Variants in PLSCR2 observed in about 807,000 individuals in gnomAD.
PLSCR2 encodes the protein PL scramblase 2.
PLSCR2 carries 18 observed loss-of-function variants against 25.3 expected under a neutral mutation model. That is an observed-to-expected ratio of 0.71 (90% CI 0.49 to 1.06). PLSCR2 has a LOEUF of 1.06. Among genes scored for constraint, PLSCR2 ranks in the 50% least tolerant of loss-of-function variants. The probability of loss-of-function intolerance (pLI) is 0.00; values close to 1 mark genes in which losing one functional copy is unlikely to be tolerated. For missense variants in PLSCR2, 243 were observed against 269.5 expected (o/e 0.90, Z 0.69); for synonymous variants, 88 against 87.3 (o/e 1.01, Z -0.04).
chr3:146,440,345 T>G (rs575187861), downstream of PLSCR2, among the ~76,000 whole-genome samples: 86 of 152,342 alleles, frequency 5.6e-4, no homozygotes, highest in Admixed American at 2.0e-3. Flanking sequence ...TCTGCTGCCT[T>G]TTCTTCAGCT....
At chr3:146,491,849 T>C (rs990211719) in intron 1 of PLSCR2, among the ~76,000 whole-genome samples, 39 of 152,294 alleles carry the variant, frequency 2.6e-4, no homozygotes, top group African/African-American at 8.9e-4. Context: ...CTTCAGCCAT[T>C]TCAGTGTGAC....
chr3:146,430,472 A>G (rs1159837792), downstream of PLSCR2, among the ~76,000 whole-genome samples: 1 of 152,190 alleles, frequency 6.6e-6, no homozygotes, highest in African/African-American at 2.4e-5. Flanking sequence ...CTGGCACTTC[A>G]CAGCATCAGT....
chr3:146,426,793 C>T (rs1029995456), intron 2 of PLSCR2, among the ~76,000 whole-genome samples: 23 of 152,060 alleles, frequency 1.5e-4, no homozygotes, highest in African/African-American at 5.6e-4. Flanking sequence ...TGATATGAAA[C>T]ACTAGAAAAT....
At chr3:146,434,110 A>G (rs1225685494) in intron 8 of PLSCR2, among the ~76,000 whole-genome samples, 3 of 152,136 alleles carry the variant, frequency 2.0e-5, no homozygotes, top group Admixed American at 2.0e-4. Flanking sequence ...ACAAAATATT[A>G]TATGTCTTCC....
intron 2 of PLSCR2, among the ~76,000 whole-genome samples, chr3:146,404,837 T>C (rs1303650362): frequency 7.0e-6 from 1 of 143,298 alleles, no homozygotes; most frequent in East Asian, 2.1e-4. Flanking sequence ...GGGGTGGTGG[T>C]TAACTGGTCC....
chr3:146,411,705 C>T (rs537436291), intron 2 of PLSCR2, among the ~76,000 whole-genome samples: 10 of 152,306 alleles, frequency 6.6e-5, no homozygotes, highest in African/African-American at 2.4e-4. Flanking sequence ...AAAATTCTCT[C>T]GGCCCCGAAG....
At chr3:146,396,755 G>A (rs146404464) in intron 2 of PLSCR2, among the ~76,000 whole-genome samples, 121 of 152,242 alleles carry the variant, frequency 7.9e-4, no homozygotes, top group African/African-American at 2.8e-3. Context: ...TAGCAGGGCT[G>A]CTCATAACAC....
chr3:146,443,496 A>G (rs76422856), intron 6 of PLSCR2, among the ~76,000 whole-genome samples: 1,858 of 152,022 alleles, frequency 0.012, 35 homozygotes, highest in African/African-American at 0.043. Flanking sequence ...GGTAGACAAT[A>G]TGTGTCTAGA....
At chr3:146,455,321 G>T in exon 4 of PLSCR2, 2 of 1,613,966 alleles carry the variant, frequency 1.2e-6, no homozygotes, top group Non-Finnish European at 1.7e-6. Context: ...CACATTATCA[G>T]TAATCCTCAA....
chr3:146,449,134 T>G (rs1194430174), intron 6 of PLSCR2, 72 bp downstream of exon 6: 50 of 1,081,542 alleles, frequency 4.6e-5, no homozygotes, highest in Non-Finnish European at 6.5e-5. Flanking sequence ...TTAAAATGTA[T>G]AATTTATTGA....
upstream of PLSCR2, among the ~76,000 whole-genome samples, chr3:146,462,332 T>A (rs534596005): frequency 6.6e-6 from 1 of 152,220 alleles, no homozygotes; most frequent in Admixed American, 6.5e-5. Flanking sequence ...ACTCAAGCGA[T>A]CCTCCTGTCT....
At chr3:146,455,092 C>T (rs949777887) in intron 4 of PLSCR2, 147 bp downstream of exon 4, 1 of 617,092 alleles carries the variant, frequency 1.6e-6, no homozygotes, top group Non-Finnish European at 2.9e-6. Context: ...TACTTGCCTT[C>T]CTTCTTATAC....
chr3:146,454,177 A>G lies in PLSCR2; in HGVS notation c.322-14T>C. The G allele has an allele frequency of 6.5e-7, 1 of 1,543,014 alleles. No homozygotes were observed. Among genetic ancestry groups the G allele is most frequent in the South Asian group, 1.2e-5 (1 of 81,802 alleles). ...TTGGATTTCTATCTACAAAAGTAAA[A>G]TATGTGTGAACGTAATAAATCATCA... On this transcript the variant is annotated splice_polypyrimidine_tract_variant and intron_variant, in intron 4 of 6. Coordinates refer to ENST00000610787, the Ensembl canonical transcript of PLSCR2.
chr3:146,494,537 A>C (rs1405155464), intron 1 of PLSCR2: 1 of 152,198 alleles, frequency 6.6e-6, no homozygotes, highest in Non-Finnish European at 1.5e-5. Context: ...TAATTATGCC[A>C]GACAAACTGG....
In PLSCR2 at chr3:146,416,453, C is replaced by G. The variant is rs138147481; in HGVS notation, c.101-20532G>C. 9.1e-4 allele frequency: 139 copies of G among 152,254 alleles called. 1 individual carries two copies. The highest frequency in any genetic ancestry group is 3.2e-3 in the African/African-American group (135 of 41,556). The allele number at this position is 152,254 out of a possible 1,614,324, so 9.4% of individuals were successfully genotyped here. ...ATAACAAGTTATATTCTGGAACGAT[C>G]TAAATTCATGTTGTTATGGATCAAG... On this transcript the variant is annotated intron_variant and NMD_transcript_variant, in intron 2 of 3. Coordinates refer to the PLSCR2 transcript ENST00000463633.
In PLSCR2 at chr3:146,469,067, T is replaced by A. The variant is rs1458170119; in HGVS notation, c.-292-8783A>T. 2.1e-5 allele frequency: 20 copies of A among 937,706 alleles called. 1 individual carries two copies. In the South Asian group the frequency reaches 7.9e-4, roughly 37 times the overall value. 58.1% of individuals were successfully genotyped at this position (937,706 alleles called of 1,614,324 possible). A position where few individuals can be genotyped will look rare whatever the true frequency, so the allele number is the denominator to read the frequency against. On this transcript the variant is annotated intron_variant, in intron 1 of 8. Coordinates refer to the PLSCR2 transcript ENST00000336685. ...AGCTGGTATTGTAGAGGGCCTAGCATAGACGTGGGCTCCTGGCGGACTTCA... is the reference window on the plus strand; with the variant it reads ...AGCTGGTATTGTAGAGGGCCTAGCAAAGACGTGGGCTCCTGGCGGACTTCA...
At chr3:146,433,189 A>G (rs563389082), downstream of PLSCR2, 1 of 152,274 alleles carries the variant, frequency 6.6e-6, no homozygotes, top group South Asian at 2.1e-4. Flanking sequence ...TTTCAATTTT[A>G]TTAAAATTTG....
At chr3:146,417,654 A>G (rs987114483) in intron 2 of PLSCR2, among the ~76,000 whole-genome samples, 2 of 152,202 alleles carry the variant, frequency 1.3e-5, no homozygotes, top group Non-Finnish European at 2.9e-5. Flanking sequence ...CCATTTTACA[A>G]GTTCTAATGT....
intron 5 of PLSCR2, among the ~76,000 whole-genome samples, chr3:146,450,460 C>T (rs2040828197): frequency 6.6e-6 from 1 of 152,190 alleles, no homozygotes; most frequent in Non-Finnish European, 1.5e-5. Context: ...TTTCATTTTT[C>T]CTCCCATTGT....
Sources: allele counts gnomAD v4.1 joint callset (sites outside exome capture counted in the v4.1 genomes callset), GRCh38; gene constraint gnomAD v4.1.1; transcripts MANE v1.5; gene names NCBI Gene and HGNC (gene_info 2026-07-23, HGNC 2026-07-21).